Variants in PRKAR1B observed in about 807,000 individuals in gnomAD.
PRKAR1B encodes the protein protein kinase cAMP-dependent type I regulatory subunit beta.
In PRKAR1B, 22 loss-of-function variants were observed where a neutral mutation model predicts 46.5. That is an observed-to-expected ratio of 0.47 (90% CI 0.34 to 0.68). PRKAR1B has a LOEUF of 0.68. Ranked by LOEUF, PRKAR1B falls within the 30% of genes least tolerant of loss-of-function variation. The pLI is 0.01. For missense variants in PRKAR1B, 445 were observed against 535.6 expected, an observed-to-expected ratio of 0.83 and a Z score of 1.67; for synonymous variants, 259 against 217.7, an observed-to-expected ratio of 1.19 and a Z score of -1.67.
At chr7:606,767 C>CGTGCGTGT (rs1554291780) in intron 5 of PRKAR1B, among the ~76,000 whole-genome samples, 4 of 148,280 alleles carry the variant, frequency 2.7e-5, no homozygotes, top group African/African-American at 9.9e-5. Flanking sequence ...GAATTTTATG[C>CGTGCGTGT]GTGTGTGTGT....
At chr7:581,398 C>A (rs1225860574) in intron 8 of PRKAR1B, among the ~76,000 whole-genome samples, 1 of 151,732 alleles carries the variant, frequency 6.6e-6, no homozygotes, top group Non-Finnish European at 1.5e-5. Context: ...CACATCAGTG[C>A]ACACCTGACA....
chr7:606,306 G>A (rs1228316083), intron 5 of PRKAR1B, 67 bp from the exon 6 acceptor site: 4 of 1,513,220 alleles, frequency 2.6e-6, no homozygotes, highest in South Asian at 2.3e-5. Context: ...AGTTTCTCTT[G>A]CAAACGACTT....
chr7:627,465 C>T (rs531356472), intron 4 of PRKAR1B, among the ~76,000 whole-genome samples: 22 of 152,332 alleles, frequency 1.4e-4, no homozygotes, highest in South Asian at 6.2e-4. Context: ...GACTCCCCCA[C>T]GCCTGAGGGT....
chr7:663,526 C>A (rs534234334), intron 4 of PRKAR1B, among the ~76,000 whole-genome samples: 1 of 152,250 alleles, frequency 6.6e-6, no homozygotes, highest in Admixed American at 6.5e-5. Context: ...CGTGAGCCAC[C>A]GTGCCCGGCC....
intron 9 of PRKAR1B, among the ~76,000 whole-genome samples, chr7:575,033 G>A (rs984722806): frequency 2.0e-5 from 3 of 152,238 alleles, no homozygotes; most frequent in Non-Finnish European, 4.4e-5. Context: ...TTTCAGTAGC[G>A]AGAACTGGTG....
intron 6 of PRKAR1B, among the ~76,000 whole-genome samples, chr7:598,927 A>C (rs914365872): frequency 6.6e-6 from 1 of 152,236 alleles, no homozygotes; most frequent in African/African-American, 2.4e-5. Context: ...CTCTGGGAGC[A>C]GAGAAGGGTG....
At position 666,976 on chromosome 7, in the gene PRKAR1B, T is replaced by C. The variant is rs768194518; in HGVS notation, c.440+10253A>G. On this transcript the variant is annotated intron_variant, in intron 4 of 10. Coordinates refer to ENST00000537384, the MANE Select transcript of PRKAR1B (RefSeq NM_001164760.2). The surrounding 1 kb of genome is among the most constrained non-coding windows in gnomAD (Gnocchi z 4.9). ...ATGATGGCGGTGATGATGATGATGG[T>C]GATGATAAAGATGATGATGGCAATG... Among the ~76,000 whole-genome samples, 18 of 152,122 alleles carry C rather than the reference T, an allele frequency of 1.2e-4. No individual in the cohort carries two copies. Among genetic ancestry groups the C allele is most frequent in the Non-Finnish European group, 2.4e-4 (16 of 68,024 alleles).
intron 4 of PRKAR1B, among the ~76,000 whole-genome samples, chr7:643,967 C>G (rs756604662): frequency 3.9e-5 from 6 of 152,164 alleles, no homozygotes; most frequent in Non-Finnish European, 8.8e-5. Flanking sequence ...GGGGCAGGGA[C>G]AAGCCATCCA....
chr7:707,921 G>T (rs753220213), intron 2 of PRKAR1B, among the ~76,000 whole-genome samples: 6 of 150,864 alleles, frequency 4.0e-5, no homozygotes, highest in Non-Finnish European at 8.8e-5. Context: ...GGAGCCGGGG[G>T]AGACACAGAA....
rs765209578 is a variant in PRKAR1B, at chr7:551,471, C to A, written c.892-1G>T. On this transcript the variant is annotated splice_acceptor_variant, in intron 9 of 10. Coordinates refer to ENST00000537384, the MANE Select transcript of PRKAR1B (RefSeq NM_001164760.2). LOFTEE classifies it high-confidence loss of function. Reference sequence around the variant, plus strand: ...GGCGCTGCAGCACGGACGCGGTGCCCTGTGGGTGGAGGTGGACAGACGTGA... The same window carrying A: ...GGCGCTGCAGCACGGACGCGGTGCCATGTGGGTGGAGGTGGACAGACGTGA... 6.4e-7 allele frequency: 1 copy of A among 1,553,296 alleles called. No homozygotes were observed.
chr7:728,257 G>A (rs1256933213), upstream of PRKAR1B, among the ~76,000 whole-genome samples: 1 of 152,158 alleles, frequency 6.6e-6, no homozygotes, highest in Non-Finnish European at 1.5e-5. Context: ...AAGGCTTTCC[G>A]AAGGAGGGAA....
intron 2 of PRKAR1B, among the ~76,000 whole-genome samples, chr7:684,038 C>A (rs541023277): frequency 2.0e-5 from 3 of 150,978 alleles, no homozygotes; most frequent in South Asian, 2.1e-4. Flanking sequence ...CACCTCCACA[C>A]GTGTGCTGAT....
At chr7:576,191 C>T (rs1329506043) in intron 9 of PRKAR1B, among the ~76,000 whole-genome samples, 1 of 149,584 alleles carries the variant, frequency 6.7e-6, no homozygotes, top group East Asian at 2.0e-4. Flanking sequence ...ATCCTCTCCT[C>T]TGCACATGGG....
intron 8 of PRKAR1B, among the ~76,000 whole-genome samples, chr7:583,697 CCCT>C (rs1159670964): frequency 1.6e-5 from 2 of 123,618 alleles, no homozygotes; most frequent in Non-Finnish European, 3.5e-5. Context: ...TGCACTCACA[CCCT>C]CACACACGTG....
intron 4 of PRKAR1B, among the ~76,000 whole-genome samples, chr7:668,123 C>T (rs1216455564): frequency 6.6e-6 from 1 of 152,114 alleles, no homozygotes; most frequent in Non-Finnish European, 1.5e-5. Flanking sequence ...GGTGTGCAAA[C>T]CCTGCAGGTG....
chr7:711,568 C>T, intron 1 of PRKAR1B, 41 bp from the exon 2 acceptor site: 3 of 1,572,452 alleles, frequency 1.9e-6, no homozygotes, highest in Non-Finnish European at 2.6e-6. Flanking sequence ...TGAGAGCTGC[C>T]CGGGGCTGCG....
At chr7:617,832 A>G (rs963047965) in intron 4 of PRKAR1B, among the ~76,000 whole-genome samples, 21 of 152,154 alleles carry the variant, frequency 1.4e-4, no homozygotes, top group African/African-American at 5.1e-4. Flanking sequence ...GGCCCCGCGT[A>G]GCACTCACCC....
intron 2 of PRKAR1B, among the ~76,000 whole-genome samples, chr7:689,009 A>C (rs1779262310): frequency 1.3e-5 from 2 of 152,268 alleles, no homozygotes; most frequent in South Asian, 2.1e-4. Flanking sequence ...CCCCCAGGGG[A>C]AGCAAATCAT....
intron 4 of PRKAR1B, among the ~76,000 whole-genome samples, chr7:645,220 C>G (rs900094415): frequency 6.6e-6 from 1 of 152,186 alleles, no homozygotes; most frequent in Non-Finnish European, 1.5e-5. Flanking sequence ...GGTCCTCTCC[C>G]TCCTACAGAA....
Sources: gnomAD v4.1 joint callset for allele counts (sites outside exome capture counted in the v4.1 genomes callset) on GRCh38, gnomAD v4.1.1 for gene constraint, Gnocchi (gnomAD v3.1) non-coding constraint, MANE v1.5 for transcripts, NCBI Gene and HGNC (gene_info 2026-07-23, HGNC 2026-07-21) for gene names.